Variants in AP4E1 observed in about 807,000 individuals in gnomAD.
AP4E1 encodes AP-4 complex subunit epsilon-1.
Under a neutral mutation model 128.2 loss-of-function variants are expected in AP4E1, and 56 were observed. That is an observed-to-expected ratio of 0.44 (90% CI 0.35 to 0.55). The LOEUF (loss-of-function observed/expected upper bound fraction) is 0.55, where lower values mean the gene tolerates loss of function less well. Among genes scored for constraint, AP4E1 ranks in the 20% least tolerant of loss-of-function variants. The pLI, the probability that AP4E1 is intolerant of heterozygous loss-of-function variation, is 0.00. For missense variants in AP4E1, 1,324 were observed against 1,307.7 expected (o/e 1.01, Z -0.19); for synonymous variants, 484 against 473.1 (o/e 1.02, Z -0.30).
In AP4E1 at chr15:50,930,961, G is replaced by C; in HGVS notation, c.859G>C (p.Asp287His). ...GAGAATACTGGGACTTCTAGGAAAAGATGATCAAAGGTAAACTATTTTCAG... is the reference window on the plus strand; with the variant it reads ...GAGAATACTGGGACTTCTAGGAAAACATGATCAAAGGTAAACTATTTTCAG... ...LLRILGLLGK[D>H]DQRTSELMYD... Residue 287 changes from aspartate to histidine, a missense_variant, in exon 7 of 21, where the codon GAT becomes CAT. Coordinates refer to ENST00000261842, the MANE Select transcript of AP4E1 (RefSeq NM_007347.5). The C allele has an allele frequency of 6.2e-7, 1 of 1,614,044 alleles. No homozygotes were observed.
intron 10 of AP4E1, chr15:50,944,822 T>G: frequency 1.4e-6 from 1 of 720,728 alleles, no homozygotes; most frequent in Non-Finnish European, 2.5e-6. Context: ...AATGAGTATT[T>G]GCAAAACCAT....
chr15:50,917,370 C>T (rs1024830735), intron 3 of AP4E1, among the ~76,000 whole-genome samples: 1 of 152,198 alleles, frequency 6.6e-6, no homozygotes, highest in Admixed American at 6.5e-5. Flanking sequence ...CTTATCTTTT[C>T]ATCGCATTTC....
chr15:50,984,328 T>C (rs530730871), intron 16 of AP4E1, among the ~76,000 whole-genome samples, 183 bp downstream of exon 16: 1 of 152,284 alleles, frequency 6.6e-6, no homozygotes, highest in East Asian at 1.9e-4. Context: ...AATTATACTT[T>C]AAGTTCTAGG....
At chr15:50,982,176 G>A (rs1226603169) in intron 15 of AP4E1, among the ~76,000 whole-genome samples, 1 of 150,782 alleles carries the variant, frequency 6.6e-6, no homozygotes, top group East Asian at 2.0e-4. Flanking sequence ...ATGGGATGAT[G>A]CAGCATGAAG....
chr15:50,908,928 C>G lies in AP4E1; in HGVS notation c.150C>G (p.His50Gln). The change falls in exon 1 of 21, where the codon CAC becomes CAG. Residue 50 changes from histidine to glutamine, a missense_variant and splice_region_variant. Transcript: ENST00000261842. ...VRGITALTSK[H>Q]EEEKLIQQEL... ...GCATCACAGCCCTCACCTCCAAGCA[C>G]GTAGGTGCCCGCCGGCCCGGGAGCT... 6.2e-7 allele frequency: 1 copy of G among 1,610,620 alleles called. No individual in the cohort carries two copies. Among genetic ancestry groups the G allele is most frequent in the East Asian group, 2.2e-5 (1 of 44,832 alleles).
At chr15:50,998,869 C>A (rs1391729570) in intron 18 of AP4E1, among the ~76,000 whole-genome samples, 1 of 152,092 alleles carries the variant, frequency 6.6e-6, no homozygotes, top group Non-Finnish European at 1.5e-5. Context: ...ATAATTTTGA[C>A]CTGTGTACAA....
intron 6 of AP4E1, 82 bp from the exon 7 acceptor site, chr15:50,930,723 A>G (rs2063822775): frequency 7.6e-7 from 1 of 1,322,264 alleles, no homozygotes. Flanking sequence ...GTATTAAGTC[A>G]GGTTCTATAT....
At chr15:50,968,896 G>A (rs1283869978) in intron 15 of AP4E1, among the ~76,000 whole-genome samples, 1 of 152,050 alleles carries the variant, frequency 6.6e-6, no homozygotes, top group Non-Finnish European at 1.5e-5. Flanking sequence ...AGGATTACAG[G>A]CGTGAGCCAC....
chr15:50,977,007 C>G (rs1012333599), intron 15 of AP4E1, among the ~76,000 whole-genome samples: 2 of 152,112 alleles, frequency 1.3e-5, no homozygotes, highest in African/African-American at 2.4e-5. Context: ...AATTTAAACT[C>G]TCTTTCAAAG....
rs1342284661 is a variant in AP4E1 at position 51,004,241 on chromosome 15, T to G, written c.*1579T>G. 1 of 152,162 alleles carries G rather than the reference T, an allele frequency of 6.6e-6. No individual in the cohort carries two copies. The highest frequency in any genetic ancestry group is 2.4e-5 in the African/African-American group (1 of 41,426). The allele number at this position is 152,162 out of a possible 1,614,324, so 9.4% of individuals were successfully genotyped here. On this transcript the variant is annotated 3_prime_UTR_variant, in exon 21 of 21. Coordinates refer to ENST00000261842, the MANE Select transcript of AP4E1 (RefSeq NM_007347.5). ...GTGTGGTGGACACTGGTAGCTAGCC[T>G]TATCAGCTCCCTCCTTATTCCTACC...
intron 13 of AP4E1, among the ~76,000 whole-genome samples, chr15:50,951,792 A>T (rs12902899): frequency 0.43 from 63,923 of 147,790 alleles, 14,016 homozygotes; most frequent in East Asian, 0.58. Flanking sequence ...AGTGGCGTGA[A>T]CTCAGCTCAC....
intron 10 of AP4E1, among the ~76,000 whole-genome samples, chr15:50,943,573 C>T (rs1033019934): frequency 6.6e-6 from 1 of 152,108 alleles, no homozygotes; most frequent in Non-Finnish European, 1.5e-5. Context: ...TCTGCTTTAA[C>T]AGATACAGAG....
At chr15:50,909,053 C>A in intron 1 of AP4E1, 125 bp downstream of exon 1, 4 of 1,441,636 alleles carry the variant, frequency 2.8e-6, no homozygotes, top group Non-Finnish European at 3.7e-6. Flanking sequence ...TCAGGGGCTG[C>A]TGTGTCGGTT....
In AP4E1 at chr15:50,928,742, T is replaced by C. The variant is rs111696091; in HGVS notation, c.543-267T>C. Among the ~76,000 whole-genome samples, 315 of 150,670 alleles carry C rather than the reference T, an allele frequency of 2.1e-3. 2 individuals are homozygous for C. The highest frequency in any genetic ancestry group is 7.4e-3 in the African/African-American group (305 of 41,118). On this transcript the variant is annotated intron_variant, in intron 5 of 20. Transcript: ENST00000261842. ...TTTTTTTTTTTAATCTCAAAAGTAA[T>C]ATATGCTTGTTACAAAAAAAAATTC...
chr15:50,915,279 G>A, intron 2 of AP4E1, 169 bp from the exon 3 acceptor site: 1 of 667,258 alleles, frequency 1.5e-6, no homozygotes, highest in Admixed American at 3.0e-5. Context: ...AGTAAGATCA[G>A]GAGCAATTTT....
At chr15:50,923,484 T>C (rs555967767) in intron 3 of AP4E1, among the ~76,000 whole-genome samples, 1 of 152,274 alleles carries the variant, frequency 6.6e-6, no homozygotes, top group South Asian at 2.1e-4. Context: ...ATTAGGTGGC[T>C]AGCTCACTCA....
rs2064682283 is a variant in AP4E1 at position 50,984,112 on chromosome 15, T to C, written c.2057T>C (p.Val686Ala). Reference sequence around the variant, plus strand: ...GCTGGCATTTCTCTTGGTTCAGATGTATCTGGGAATAGTGCTGAGACAGGA... The same window carrying C: ...GCTGGCATTTCTCTTGGTTCAGATGCATCTGGGAATAGTGCTGAGACAGGA... ...SPAGISLGSD[V>A]SGNSAETGLK... Residue 686 changes from valine (V) to alanine (A), a missense_variant, in exon 16 of 21, where the codon GTA becomes GCA. Transcript: ENST00000261842. 1.2e-6 allele frequency: 2 copies of C among 1,613,464 alleles called. No homozygotes were observed. The highest frequency in any genetic ancestry group is 8.5e-7 in the Non-Finnish European group (1 of 1,179,504).
intron 17 of AP4E1, among the ~76,000 whole-genome samples, chr15:50,995,812 T>A (rs145270299): frequency 7.3e-5 from 11 of 151,418 alleles, no homozygotes; most frequent in African/African-American, 1.9e-4. Context: ...TAATAACAGA[T>A]TGACAATGCA....
intron 1 of AP4E1, among the ~76,000 whole-genome samples, chr15:50,910,138 C>T (rs1201561450): frequency 1.3e-5 from 2 of 152,234 alleles, no homozygotes; most frequent in Non-Finnish European, 2.9e-5. Context: ...AGGCGTATGC[C>T]ACTACGCCCG....
Sources: allele counts gnomAD v4.1 joint callset (sites outside exome capture counted in the v4.1 genomes callset), GRCh38; gene constraint gnomAD v4.1.1; transcripts MANE v1.5; gene names NCBI Gene and HGNC (gene_info 2026-07-23, HGNC 2026-07-21).